Variants in ALDH9A1 observed in about 807,000 individuals in gnomAD.
ALDH9A1 encodes aldehyde dehydrogenase 9 family member A1.
A neutral mutation model predicts 56.6 loss-of-function variants in ALDH9A1; 42 were observed. That is an observed-to-expected ratio of 0.74 (90% CI 0.58 to 0.96). ALDH9A1 has a LOEUF of 0.96. ALDH9A1 is among the 40% of genes least tolerant of loss of function. The pLI is 0.00. For missense variants in ALDH9A1, 661 were observed against 651.5 expected (o/e 1.01, Z -0.16); for synonymous variants, 242 against 236.0 (o/e 1.03, Z -0.23).
Position 165,676,653 on chromosome 1 carries a change from G to A in ALDH9A1, c.930+2789C>T, listed in dbSNP as rs779390233. The stretch of plus-strand genomic sequence containing the variant: ...TGAAAGAAGATGATCAGAAAAAGAA[G>A]GAAGCCAAAGAGAAAGGTACCTGGT... On this transcript the variant is annotated intron_variant, in intron 6 of 10. Transcript: ENST00000354775. 1.3e-4 allele frequency: 48 copies of A among 367,136 alleles called. 1 individual carries two copies. The highest frequency in any genetic ancestry group is 3.3e-4 in the Admixed American group (9 of 27,670). The allele number at this position is 367,136 out of a possible 1,614,324, so 22.7% of individuals were successfully genotyped here. A position where few individuals can be genotyped will look rare whatever the true frequency, so the allele number is the denominator to read the frequency against.
chr1:165,666,472 G>A (rs1357862959), intron 9 of ALDH9A1, among the ~76,000 whole-genome samples: 5 of 152,096 alleles, frequency 3.3e-5, no homozygotes, highest in South Asian at 2.1e-4. Flanking sequence ...CTTTGTAACC[G>A]GACTTTGTCT....
chr1:165,669,173 C>T (rs768687774), intron 7 of ALDH9A1, 89 bp downstream of exon 7: 17 of 1,366,844 alleles, frequency 1.2e-5, no homozygotes, highest in South Asian at 9.8e-5. Flanking sequence ...AATAGTCATA[C>T]GAATATTAAC....
intron 9 of ALDH9A1, among the ~76,000 whole-genome samples, chr1:165,666,827 T>C (rs1649023654): frequency 6.6e-6 from 1 of 152,182 alleles, no homozygotes. Context: ...ATAGTAAAGT[T>C]TATGCACAAA....
At chr1:165,689,422 C>T (rs565092212) in intron 2 of ALDH9A1, among the ~76,000 whole-genome samples, 1 of 152,296 alleles carries the variant, frequency 6.6e-6, no homozygotes, top group African/African-American at 2.4e-5. Context: ...TTAGTGATAC[C>T]TTCCCTCTCA....
rs749381621 is a variant in ALDH9A1, at chr1:165,667,404, C to G, written c.1254G>C (p.Gly418=). 1 of 1,614,082 alleles carries G rather than the reference C, an allele frequency of 6.2e-7. No individual in the cohort carries two copies. ...DMTCVKEEIF[G]PVMSILSFDT... ...CAAATGATAAAATGGACATAACAGG[C>G]CCAAAGATCTCTTCCTTCACACAGG... The change falls in exon 9 of 11, where the codon GGG becomes GGC. Residue 418 remains glycine, a synonymous_variant. Transcript: ENST00000354775.
chr1:165,698,171 C>T, intron 1 of ALDH9A1: 1 of 1,322,028 alleles, frequency 7.6e-7, no homozygotes, highest in Non-Finnish European at 9.7e-7. Context: ...AACTCATCAG[C>T]TTTGCTTTTC....
At position 165,665,075 on chromosome 1, in the gene ALDH9A1, T is replaced by C; in HGVS notation, c.1405A>G (p.Ile469Val). 2 of 1,613,962 alleles carry C rather than the reference T, an allele frequency of 1.2e-6. No individual in the cohort carries two copies. Among genetic ancestry groups the C allele is most frequent in the Non-Finnish European group, 1.7e-6 (2 of 1,179,934 alleles). ...ACTGGGCTGACGTTATAGTTGTTAA[T>C]GAAGCACGTCCCAGCCTGAAGCTCA... ...VAELQAGTCF[I>V]NNYNVSPVEL... The change falls in exon 10 of 11, where the codon ATT becomes GTT. Residue 469 changes from isoleucine to valine, a missense_variant. By Grantham distance (29) the Ile-to-Val change is conservative (BLOSUM62 3). Transcript: ENST00000354775.
chr1:165,676,472 G>C, intron 6 of ALDH9A1: 1 of 272,080 alleles, frequency 3.7e-6, no homozygotes. Flanking sequence ...ATGCCCAAAA[G>C]CATTACCTGG....
intron 2 of ALDH9A1, among the ~76,000 whole-genome samples, chr1:165,692,893 C>A (rs1184751291): frequency 1.3e-5 from 2 of 151,908 alleles, no homozygotes; most frequent in Non-Finnish European, 2.9e-5. Context: ...CAGAACGGAG[C>A]CCTCAGAAAT....
chr1:165,678,124 A>G (rs988170481), intron 6 of ALDH9A1, among the ~76,000 whole-genome samples: 3 of 152,162 alleles, frequency 2.0e-5, no homozygotes, highest in Non-Finnish European at 4.4e-5. Flanking sequence ...TTGTGAAGTC[A>G]GGAGTTTGAG....
chr1:165,697,905 T>C (rs113167983), intron 1 of ALDH9A1, among the ~76,000 whole-genome samples: 3,837 of 152,068 alleles, frequency 0.025, 157 homozygotes, highest in African/African-American at 0.087. Context: ...GGTGGGAGCC[T>C]GTAATCCCAG....
rs751341758 is a variant in ALDH9A1, at chr1:165,665,007, C to T, written c.1462+11G>A. On this transcript the variant is annotated intron_variant, in intron 10 of 10. Coordinates refer to ENST00000354775, the MANE Select transcript of ALDH9A1 (RefSeq NM_000696.4). ...AGACCTAGTTTGCATTCACACCTCC[C>T]AGCTCCTCACCTGACTTCTTATATC... The T allele has an allele frequency of 1.9e-6, 3 of 1,609,548 alleles. No homozygotes were observed. Among genetic ancestry groups the T allele is most frequent in the African/African-American group, 2.7e-5 (2 of 74,790 alleles).
Position 165,667,570 on chromosome 1 carries a change from G to T in ALDH9A1, c.1208-120C>A, listed in dbSNP as rs1571165668. 3 of 1,054,026 alleles carry T rather than the reference G, an allele frequency of 2.8e-6. No individual in the cohort carries two copies. In the South Asian group the frequency reaches 4.9e-5, roughly 17 times the overall value. 65.3% of individuals were successfully genotyped at this position (1,054,026 alleles called of 1,614,324 possible). On this transcript the variant is annotated intron_variant, in intron 8 of 10. Coordinates refer to ENST00000354775, the MANE Select transcript of ALDH9A1 (RefSeq NM_000696.4). Reference sequence around the variant, plus strand: ...TGCCCAGTCTGGTCTCAAACACCTGGGCTCCAGCGATCCTCCTGCCTCAGC... The same window carrying T: ...TGCCCAGTCTGGTCTCAAACACCTGTGCTCCAGCGATCCTCCTGCCTCAGC...
At chr1:165,687,985 TC>T (rs1347555140) in intron 2 of ALDH9A1, among the ~76,000 whole-genome samples, 1 of 142,700 alleles carries the variant, frequency 7.0e-6, no homozygotes, top group South Asian at 2.3e-4. Context: ...GAGACTCCTC[TC>T]AAAAAAAAAA....
chr1:165,682,816 T>C (rs113755219), intron 3 of ALDH9A1, 165 bp downstream of exon 3: 6 of 724,172 alleles, frequency 8.3e-6, no homozygotes, highest in African/African-American at 1.8e-5. Context: ...ATCTCCAGTT[T>C]AGATTAGGAA....
At chr1:165,684,460 C>G (rs999624371) in intron 2 of ALDH9A1, among the ~76,000 whole-genome samples, 1 of 152,158 alleles carries the variant, frequency 6.6e-6, no homozygotes, top group African/African-American at 2.4e-5. Context: ...AACTTGTTTC[C>G]CAGTATGCTG....
chr1:165,662,761 C>A lies in ALDH9A1; in HGVS notation c.*289G>T. ...CCAAATGTGTGGAAGATGTATTATC[C>A]TAGTCTCTTTTCCTGTTCTCTAGAA... is the stretch of plus-strand genomic sequence containing the variant. On this transcript the variant is annotated 3_prime_UTR_variant, in exon 11 of 11. Coordinates refer to ENST00000354775, the MANE Select transcript of ALDH9A1 (RefSeq NM_000696.4). The A allele has an allele frequency of 2.9e-6, 1 of 347,798 alleles. No individual in the cohort carries two copies. The highest frequency in any genetic ancestry group is 2.1e-5 in the African/African-American group (1 of 47,648). The allele number at this position is 347,798 out of a possible 1,614,324, so 21.5% of individuals were successfully genotyped here.
rs566145522 is a variant in ALDH9A1, at chr1:165,698,132, G to A, written c.181+246C>T. ...TACTTTGCGAACTCTGTTCTGGCCC[G>A]GGTAAAACAACTCACGATCCTACCA... On this transcript the variant is annotated intron_variant, in intron 1 of 10. Coordinates refer to ENST00000354775, the MANE Select transcript of ALDH9A1 (RefSeq NM_000696.4). 4.7e-5 allele frequency: 50 copies of A among 1,071,774 alleles called. No homozygotes were observed. In the African/African-American group the frequency reaches 8.2e-4, roughly 18 times the overall value. The allele number at this position is 1,071,774 out of a possible 1,614,324, so 66.4% of individuals were successfully genotyped here. A position where few individuals can be genotyped will look rare whatever the true frequency, so the allele number is the denominator to read the frequency against.
intron 2 of ALDH9A1, among the ~76,000 whole-genome samples, chr1:165,691,469 T>C (rs931251107): frequency 6.6e-6 from 1 of 152,084 alleles, no homozygotes; most frequent in Non-Finnish European, 1.5e-5. Flanking sequence ...AAAACCAGAG[T>C]GCCTCTTCTC....
Sources: allele counts gnomAD v4.1 joint callset (sites outside exome capture counted in the v4.1 genomes callset), GRCh38; gene constraint gnomAD v4.1.1; transcripts MANE v1.5; gene names NCBI Gene and HGNC (gene_info 2026-07-23, HGNC 2026-07-21).